The following RBM6 variants were observed in gnomAD, a reference collection of about 807,000 sequenced individuals.
The protein encoded by RBM6 is RNA-binding protein 6.
RBM6 carries 23 observed loss-of-function variants against 140.4 expected under a neutral mutation model. The ratio of observed to expected loss-of-function variants is 0.16; its 90% CI spans 0.12 to 0.23. The LOEUF (loss-of-function observed/expected upper bound fraction) is 0.23, where lower values mean the gene tolerates loss of function less well. RBM6 is among the 10% of genes least tolerant of loss of function. The pLI, the probability that RBM6 is intolerant of heterozygous loss-of-function variation, is 1.00. For missense variants in RBM6, 1,139 were observed against 1,386.7 expected (o/e 0.82, Z 2.84); for synonymous variants, 439 against 475.6 (o/e 0.92, Z 1.00).
In RBM6 at chr3:49,975,405, A is replaced by G. The variant is rs777791579; in HGVS notation, c.1483+13A>G. 6.2e-7 allele frequency: 1 copy of G among 1,600,084 alleles called. No individual in the cohort carries two copies. The highest frequency in any genetic ancestry group is 8.6e-7 in the Non-Finnish European group (1 of 1,167,282). On this transcript the variant is annotated intron_variant, in intron 5 of 20. Transcript: ENST00000266022. ...GAGTATAACACAGGTGAGTTTCTTG[A>G]CTTGCATATGGCCTTGGGTTAGGAA...
chr3:50,061,037 T>C (rs551082992), intron 12 of RBM6, 39 bp downstream of exon 12: 2 of 1,599,662 alleles, frequency 1.3e-6, no homozygotes, highest in African/African-American at 2.7e-5. Flanking sequence ...ATTAAAATCC[T>C]CAGGTGACTA....
intron 1 of RBM6, among the ~76,000 whole-genome samples, chr3:49,959,589 G>A (rs191391795): frequency 1.1e-4 from 7 of 61,616 alleles, no homozygotes; most frequent in Non-Finnish European, 2.2e-4. Context: ...TTTTTTTTTT[G>A]AGACAGAGTC....
At chr3:50,055,287 A>G (rs1429923379) in intron 8 of RBM6, among the ~76,000 whole-genome samples, 6 of 152,132 alleles carry the variant, frequency 3.9e-5, no homozygotes, top group Non-Finnish European at 7.4e-5. Context: ...AATTAGCCAC[A>G]GGTGTGGTGG....
At chr3:50,052,886 T>C (rs2089528840) in intron 7 of RBM6, among the ~76,000 whole-genome samples, 1 of 152,048 alleles carries the variant, frequency 6.6e-6, no homozygotes, top group Non-Finnish European at 1.5e-5. Context: ...TCATGTTTTA[T>C]TGGTGAAAGC....
At chr3:50,014,012 C>T (rs1186193486) in intron 6 of RBM6, among the ~76,000 whole-genome samples, 1 of 152,122 alleles carries the variant, frequency 6.6e-6, no homozygotes, top group African/African-American at 2.4e-5. Context: ...GCTCTCCACA[C>T]AAAGAATCAT....
At chr3:50,060,335 G>A in intron 11 of RBM6, among the ~76,000 whole-genome samples, 1 of 152,102 alleles carries the variant, frequency 6.6e-6, no homozygotes. Flanking sequence ...CTTGACCCAG[G>A]AGTGGTAACT....
At chr3:50,068,876 C>A in intron 18 of RBM6, 112 bp downstream of exon 18, 1 of 937,504 alleles carries the variant, frequency 1.1e-6, no homozygotes, top group South Asian at 1.7e-5. Flanking sequence ...ACAAAAGCAG[C>A]CTCAAAAGAT....
intron 17 of RBM6, among the ~76,000 whole-genome samples, chr3:50,066,874 G>A (rs2023952): frequency 0.081 from 11,993 of 148,698 alleles, 528 homozygotes; most frequent in African/African-American, 0.11. Context: ...TTATTGATGG[G>A]GATTATGGGG....
At chr3:50,057,226 C>G (rs1488359778) in intron 8 of RBM6, among the ~76,000 whole-genome samples, 1 of 152,268 alleles carries the variant, frequency 6.6e-6, no homozygotes, top group Non-Finnish European at 1.5e-5. Context: ...CCTGTCTCAG[C>G]TTCACTTAAA....
chr3:50,067,056 G>A (rs566954266), intron 17 of RBM6, among the ~76,000 whole-genome samples: 2 of 150,962 alleles, frequency 1.3e-5, no homozygotes, highest in African/African-American at 4.9e-5. Context: ...ATGTGGTGGC[G>A]CATGCCTGTA....
intron 1 of RBM6, among the ~76,000 whole-genome samples, chr3:49,961,180 C>T (rs1444988728): frequency 2.0e-5 from 3 of 152,038 alleles, no homozygotes; most frequent in Admixed American, 2.0e-4. Flanking sequence ...CGGTTTCAAG[C>T]GTTTCTCCTG....
intron 6 of RBM6, among the ~76,000 whole-genome samples, chr3:50,033,048 G>A (rs2088276271): frequency 6.6e-6 from 1 of 151,768 alleles, no homozygotes; most frequent in Non-Finnish European, 1.5e-5. Context: ...TGTAATCACA[G>A]CACTTCGGGA....
At chr3:50,025,587 A>ATTTT (rs761261742) in intron 6 of RBM6, among the ~76,000 whole-genome samples, 1 of 124,450 alleles carries the variant, frequency 8.0e-6, no homozygotes, top group Non-Finnish European at 1.7e-5. Flanking sequence ...TACAACTTTA[A>ATTTT]TTTTTTTTTT....
intron 6 of RBM6, among the ~76,000 whole-genome samples, chr3:50,033,202 C>G (rs2108829184): frequency 6.6e-6 from 1 of 152,076 alleles, no homozygotes; most frequent in Non-Finnish European, 1.5e-5. Context: ...GAGGCTCAGA[C>G]AGGAGAAGTG....
At chr3:50,024,516 A>G (rs545805683) in intron 6 of RBM6, among the ~76,000 whole-genome samples, 1 of 152,338 alleles carries the variant, frequency 6.6e-6, no homozygotes, top group East Asian at 1.9e-4. Flanking sequence ...TTAGAATCAC[A>G]AAAGATGTAT....
intron 1 of RBM6, among the ~76,000 whole-genome samples, chr3:49,949,064 T>C (rs2108578237): frequency 6.6e-6 from 1 of 151,114 alleles, no homozygotes; most frequent in South Asian, 2.1e-4. Context: ...TTTCTGACCT[T>C]GTGATCCGCT....
intron 5 of RBM6, chr3:49,981,798 C>T (rs2085315874): frequency 6.6e-6 from 1 of 152,020 alleles, no homozygotes. Context: ...CACAGTGTTT[C>T]TGTGACATAT....
At chr3:50,054,176 CA>C in intron 7 of RBM6, 158 bp from the exon 8 acceptor site, 1 of 621,832 alleles carries the variant, frequency 1.6e-6, no homozygotes, top group Non-Finnish European at 2.8e-6. Flanking sequence ...TCCCATCTGC[CA>C]GCTCTAATCA....
At chr3:50,014,029 C>G (rs2086989500) in intron 6 of RBM6, among the ~76,000 whole-genome samples, 1 of 152,064 alleles carries the variant, frequency 6.6e-6, no homozygotes, top group Non-Finnish European at 1.5e-5. Flanking sequence ...TCATCTGGCC[C>G]AAAAATCTCT....
Sources: allele counts gnomAD v4.1 joint callset (sites outside exome capture counted in the v4.1 genomes callset), GRCh38; gene constraint gnomAD v4.1.1; transcripts MANE v1.5; gene names NCBI Gene and HGNC (gene_info 2026-07-23, HGNC 2026-07-21).